MCOLN3: variants seen among roughly 807,000 people sequenced by gnomAD.
MCOLN3 encodes mucolipin-3.
MCOLN3 carries 62 observed loss-of-function variants against 69.4 expected under a neutral mutation model. That is an observed-to-expected ratio of 0.89 (90% CI 0.73 to 1.10). The LOEUF (loss-of-function observed/expected upper bound fraction) is 1.10. Among genes scored for constraint, MCOLN3 ranks in the 50% least tolerant of loss-of-function variants. MCOLN3 has a pLI of 0.00. For synonymous variants in MCOLN3, 183 were observed against 217.0 expected, an observed-to-expected ratio of 0.84 and a Z score of 1.38; for missense variants, 564 against 656.4, an observed-to-expected ratio of 0.86 and a Z score of 1.54.
chr1:85,026,315 T>C (rs1426391398), intron 7 of MCOLN3, 31 bp from the exon 8 acceptor site: 1 of 1,389,118 alleles, frequency 7.2e-7, no homozygotes, highest in Admixed American at 1.7e-5. Context: ...ATAGTGCTTA[T>C]GTAGTGGGAC....
At position 85,034,109 on chromosome 1, in the gene MCOLN3, T is replaced by C; in HGVS notation, c.539A>G (p.Glu180Gly). 1 of 1,614,218 alleles carries C rather than the reference T, an allele frequency of 6.2e-7. No individual in the cohort carries two copies. Among genetic ancestry groups the C allele is most frequent in the Non-Finnish European group, 8.5e-7 (1 of 1,180,028 alleles). Residue 180 changes from glutamate to glycine, a missense_variant, in exon 4 of 13, where the codon GAA becomes GGA. Physicochemically the swap from Glu to Gly is moderately conservative, Grantham distance 98. Coordinates refer to ENST00000370589, the MANE Select transcript of MCOLN3 (RefSeq NM_018298.11). ...TAGAAGAACATCACCAGTTTCAATT[T>C]CTGGATCGATGTCAAAGGTATCATT... ...PGNDTFDIDPEIETECFFVEP... is the reference protein window; with the variant it reads ...PGNDTFDIDPGIETECFFVEP...
At chr1:85,048,247 C>T (rs1653491208) in intron 1 of MCOLN3, 149 bp downstream of exon 1, 1 of 152,320 alleles carries the variant, frequency 6.6e-6, no homozygotes, top group Non-Finnish European at 1.5e-5. Context: ...TCCAGCCCGC[C>T]TGCCCTCCAT....
At chr1:85,021,425 C>T (rs1373075274) in intron 11 of MCOLN3, 149 bp from the exon 12 acceptor site, 1 of 637,902 alleles carries the variant, frequency 1.6e-6, no homozygotes, top group Non-Finnish European at 2.7e-6. Context: ...CACACATTTG[C>T]TTTGTGATGC....
At chr1:85,041,741 A>G (rs1446121124) in intron 2 of MCOLN3, among the ~76,000 whole-genome samples, 1 of 151,952 alleles carries the variant, frequency 6.6e-6, no homozygotes, top group Non-Finnish European at 1.5e-5. Context: ...ATGGTGGCGC[A>G]TGCCTGTAAT....
intron 4 of MCOLN3, among the ~76,000 whole-genome samples, chr1:85,033,787 A>G (rs1029992494): frequency 2.6e-5 from 4 of 152,222 alleles, no homozygotes; most frequent in Non-Finnish European, 5.9e-5. Context: ...TAAGAACACA[A>G]ACAGCCTGAG....
Position 85,021,108 on chromosome 1 carries a change from A to G in MCOLN3, c.1489T>C (p.Phe497Leu). The change falls in exon 12 of 13, where the codon TTC (phenylalanine) becomes CTC (leucine). Residue 497 changes from phenylalanine to leucine, a missense_variant. Coordinates refer to ENST00000370589, the MANE Select transcript of MCOLN3 (RefSeq NM_018298.11). ...TATGTATCAGTGATCAGTGCAATGA[A>G]AAGACTTAAAATCATATATATAAAG... ...SLFIYMILSL[F>L]IALITDTYET... The G allele has an allele frequency of 6.2e-7, 1 of 1,611,570 alleles. No individual in the cohort carries two copies. Among genetic ancestry groups the G allele is most frequent in the South Asian group, 1.1e-5 (1 of 90,862 alleles).
chr1:85,025,081 G>C (rs1652146572), intron 9 of MCOLN3: 1 of 152,240 alleles, frequency 6.6e-6, no homozygotes, highest in Non-Finnish European at 1.5e-5. Flanking sequence ...AGGCAACACG[G>C]CAATAATCAT....
chr1:85,041,254 G>T, intron 2 of MCOLN3, 77 bp from the exon 3 acceptor site: 1 of 1,183,274 alleles, frequency 8.5e-7, no homozygotes, highest in Non-Finnish European at 1.2e-6. Context: ...ACAGGGGCTT[G>T]AACAACAAAT....
At position 85,046,158 on chromosome 1, in the gene MCOLN3, T is replaced by G. The variant is rs534314630; in HGVS notation, c.-2-796A>C. On this transcript the variant is annotated intron_variant, in intron 1 of 12. Coordinates refer to ENST00000370589, the MANE Select transcript of MCOLN3 (RefSeq NM_018298.11). ...AGCCAGTAAGGTTCTTAAGGGGCAG[T>G]ATGAGCCTCAGGAAACATAACTGTT... is the stretch of plus-strand genomic sequence containing the variant. 1.4e-4 allele frequency among the ~76,000 whole-genome samples: 22 copies of G among 152,268 alleles called. No homozygotes were observed. The South Asian group carries it at 3.9e-3, about 27-fold the overall frequency.
intron 6 of MCOLN3, 72 bp downstream of exon 6, chr1:85,032,623 AG>A: frequency 2.8e-6 from 3 of 1,075,104 alleles, no homozygotes; most frequent in Non-Finnish European, 4.3e-6. Context: ...CCGTAATCCA[AG>A]GATATGAAAC....
chr1:85,036,595 C>G (rs995511006), intron 3 of MCOLN3: 2 of 152,214 alleles, frequency 1.3e-5, no homozygotes, highest in African/African-American at 4.8e-5. Flanking sequence ...CTTCCTGTCT[C>G]TCTCAGAATA....
At chr1:85,040,447 T>C (rs994239346) in intron 3 of MCOLN3, among the ~76,000 whole-genome samples, 2 of 152,184 alleles carry the variant, frequency 1.3e-5, no homozygotes, top group African/African-American at 4.8e-5. Context: ...AAAAATATAT[T>C]ATTTCTGGCA....
chr1:85,038,086 T>C (rs1162568446), intron 3 of MCOLN3, among the ~76,000 whole-genome samples: 2 of 152,190 alleles, frequency 1.3e-5, no homozygotes, highest in Non-Finnish European at 2.9e-5. Flanking sequence ...GAATAAATGA[T>C]TCCCGGAAGA....
At chr1:85,041,215 A>G (rs752251454) in intron 2 of MCOLN3, 38 bp from the exon 3 acceptor site, 4 of 1,571,158 alleles carry the variant, frequency 2.5e-6, no homozygotes, top group Non-Finnish European at 3.5e-6. Flanking sequence ...AGGGTGGAAA[A>G]TGTGGGCAGA....
At chr1:85,034,322 C>T in intron 3 of MCOLN3, 71 bp from the exon 4 acceptor site, 1 of 1,492,580 alleles carries the variant, frequency 6.7e-7, no homozygotes, top group African/African-American at 1.4e-5. Context: ...ACTCCCCTCC[C>T]TCCCCACCTC....
At chr1:85,027,795 C>T (rs916013849) in intron 7 of MCOLN3, among the ~76,000 whole-genome samples, 7 of 152,088 alleles carry the variant, frequency 4.6e-5, no homozygotes, top group African/African-American at 1.4e-4. Context: ...TTTGGAGAAT[C>T]GAAAGTGCGA....
At chr1:85,036,226 C>T (rs532538029) in intron 3 of MCOLN3, among the ~76,000 whole-genome samples, 1 of 152,196 alleles carries the variant, frequency 6.6e-6, no homozygotes, top group African/African-American at 2.4e-5. Flanking sequence ...GAGTCTCGCT[C>T]TGTCACCCAG....
At chr1:85,025,648 G>C in intron 9 of MCOLN3, 1 of 263,196 alleles carries the variant, frequency 3.8e-6, no homozygotes, top group Non-Finnish European at 7.1e-6. Context: ...TTTGGTGTGT[G>C]TAAGAATTCA....
At chr1:85,034,019 T>G in intron 4 of MCOLN3, 79 bp downstream of exon 4, 2 of 1,458,804 alleles carry the variant, frequency 1.4e-6, no homozygotes, top group Non-Finnish European at 1.9e-6. Flanking sequence ...AAATCAATGT[T>G]TTCAAAGATG....
Sources: allele counts gnomAD v4.1 joint callset (sites outside exome capture counted in the v4.1 genomes callset), GRCh38; gene constraint gnomAD v4.1.1; transcripts MANE v1.5; gene names NCBI Gene and HGNC (gene_info 2026-07-23, HGNC 2026-07-21).